The following UNC5C variants were observed in gnomAD, a reference collection of about 807,000 sequenced individuals.
UNC5C encodes the protein unc-5 netrin receptor C.
In UNC5C, 47 loss-of-function variants were observed where a neutral mutation model predicts 99.8. The observed-to-expected ratio is 0.47, with a 90% confidence interval of 0.37 to 0.60. UNC5C has a LOEUF of 0.60. Among genes scored for constraint, UNC5C ranks in the 20% least tolerant of loss-of-function variants. The probability of loss-of-function intolerance (pLI) is 0.00; values close to 1 mark genes in which losing one functional copy is unlikely to be tolerated. For synonymous variants in UNC5C, 487 were observed against 452.2 expected, an observed-to-expected ratio of 1.08 and a Z score of -0.98; for missense variants, 1,062 against 1,165.9, an observed-to-expected ratio of 0.91 and a Z score of 1.30.
chr4:95,527,365 C>T (rs1360813082), intron 1 of UNC5C, among the ~76,000 whole-genome samples: 1 of 152,098 alleles, frequency 6.6e-6, no homozygotes, highest in Non-Finnish European at 1.5e-5. Context: ...AATTAACTCA[C>T]TTTAAATCAC....
chr4:95,451,676 A>C (rs1377822258), intron 1 of UNC5C, among the ~76,000 whole-genome samples: 1 of 152,198 alleles, frequency 6.6e-6, no homozygotes, highest in Non-Finnish European at 1.5e-5. Flanking sequence ...AAAAGTAATA[A>C]AATTCTTCTA....
chr4:95,405,540 G>A (rs1040070428), intron 1 of UNC5C, among the ~76,000 whole-genome samples: 4 of 152,170 alleles, frequency 2.6e-5, no homozygotes, highest in African/African-American at 9.7e-5. Flanking sequence ...GCTAGTTGCT[G>A]CGAACCCAAA....
chr4:95,284,469 A>C (rs1327752586), intron 3 of UNC5C, among the ~76,000 whole-genome samples: 3 of 152,204 alleles, frequency 2.0e-5, no homozygotes, highest in Admixed American at 2.0e-4. Flanking sequence ...AAATTATTTC[A>C]AAAGTCAAGG....
intron 7 of UNC5C, among the ~76,000 whole-genome samples, chr4:95,236,647 C>T (rs1739129632): frequency 6.6e-6 from 1 of 151,056 alleles, no homozygotes; most frequent in African/African-American, 2.4e-5. Context: ...AAAAAAAATA[C>T]TTGTAATCTC....
At chr4:95,329,309 T>A (rs1743022287) in intron 2 of UNC5C, among the ~76,000 whole-genome samples, 1 of 151,976 alleles carries the variant, frequency 6.6e-6, no homozygotes, top group Non-Finnish European at 1.5e-5. Context: ...AAAAAATAAA[T>A]TTAAAAGTAT....
intron 12 of UNC5C, among the ~76,000 whole-genome samples, chr4:95,193,608 A>T (rs2149356344): frequency 6.6e-6 from 1 of 152,132 alleles, no homozygotes; most frequent in Middle Eastern, 3.4e-3. Context: ...TGTGTCGAAA[A>T]CCTGCCCTTG....
At chr4:95,327,812 C>T (rs1036990306) in intron 2 of UNC5C, among the ~76,000 whole-genome samples, 2 of 152,030 alleles carry the variant, frequency 1.3e-5, no homozygotes, top group African/African-American at 4.8e-5. Context: ...AGAGCCACTT[C>T]TGCCACTTAA....
chr4:95,417,934 C>T (rs1746213836), intron 1 of UNC5C, among the ~76,000 whole-genome samples: 1 of 152,146 alleles, frequency 6.6e-6, no homozygotes. Flanking sequence ...TACTCCTGTC[C>T]CTCTGAGCAT....
intron 1 of UNC5C, among the ~76,000 whole-genome samples, chr4:95,493,707 C>T (rs967583191): frequency 6.6e-6 from 1 of 151,360 alleles, no homozygotes; most frequent in Non-Finnish European, 1.5e-5. Context: ...TTAATGGCAT[C>T]CAGTAACTGG....
At chr4:95,533,852 A>AT (rs1378661556) in intron 1 of UNC5C, among the ~76,000 whole-genome samples, 1 of 152,162 alleles carries the variant, frequency 6.6e-6, no homozygotes, top group African/African-American at 2.4e-5. Context: ...ATAGTCTCAT[A>AT]TTTTTTGTTG....
intron 2 of UNC5C, among the ~76,000 whole-genome samples, chr4:95,315,092 A>G (rs1742422435): frequency 6.6e-6 from 1 of 152,202 alleles, no homozygotes; most frequent in South Asian, 2.1e-4. Context: ...GCATTGGATC[A>G]TGGTAAAAAA....
chr4:95,212,717 C>T (rs1210153214), intron 10 of UNC5C, among the ~76,000 whole-genome samples: 1 of 152,196 alleles, frequency 6.6e-6, no homozygotes, highest in African/African-American at 2.4e-5. Flanking sequence ...TGGAATCTGT[C>T]CTCTCCCCTG....
At chr4:95,405,372 G>A (rs546220616) in intron 1 of UNC5C, among the ~76,000 whole-genome samples, 6 of 152,272 alleles carry the variant, frequency 3.9e-5, no homozygotes, top group Admixed American at 3.3e-4. Context: ...TCTGTCACAC[G>A]TCTTGTGGCC....
At chr4:95,309,932 G>A (rs1119769) in intron 2 of UNC5C, among the ~76,000 whole-genome samples, 118,638 of 152,078 alleles carry the variant, frequency 0.78, 46,411 homozygotes, top group East Asian at 0.85. Flanking sequence ...TCCACTAATA[G>A]GTGTATACCC....
chr4:95,466,843 T>C (rs895733816), intron 1 of UNC5C, among the ~76,000 whole-genome samples: 11 of 152,174 alleles, frequency 7.2e-5, no homozygotes, highest in African/African-American at 2.4e-4. Flanking sequence ...ACGACGTCAT[T>C]TAGCCATTCA....
At chr4:95,262,041 C>T (rs747606248) in intron 4 of UNC5C, among the ~76,000 whole-genome samples, 5 of 152,242 alleles carry the variant, frequency 3.3e-5, no homozygotes, top group Non-Finnish European at 7.4e-5. Context: ...AGAACTTGCC[C>T]TCTGCTTTTC....
intron 1 of UNC5C, among the ~76,000 whole-genome samples, chr4:95,379,302 G>A (rs1243833167): frequency 6.6e-6 from 1 of 152,162 alleles, no homozygotes; most frequent in Non-Finnish European, 1.5e-5. Flanking sequence ...AGTCACAGAT[G>A]CATGCTGTGC....
In UNC5C at chr4:95,166,699, C is replaced by A. The variant is rs1174847097; in HGVS notation, c.*2535G>T. On this transcript the variant is annotated 3_prime_UTR_variant, in exon 16 of 16. Coordinates refer to ENST00000453304, the MANE Select transcript of UNC5C (RefSeq NM_003728.4). ...CAGTTCAGATTCTAGTTCTTGATTT[C>A]CATAGATGATTCCACAACCCTGGTA... The A allele has an allele frequency of 6.6e-6, 1 of 152,108 alleles. No individual in the cohort carries two copies. The highest frequency in any genetic ancestry group is 2.4e-5 in the African/African-American group (1 of 41,398). The allele number at this position is 152,108 out of a possible 1,614,324, so 9.4% of individuals were successfully genotyped here.
intron 1 of UNC5C, among the ~76,000 whole-genome samples, chr4:95,365,516 A>C (rs1744532060): frequency 6.6e-6 from 1 of 151,034 alleles, no homozygotes; most frequent in Non-Finnish European, 1.5e-5. Context: ...GTACTACTCC[A>C]TTTTGCTATT....
Sources: allele counts gnomAD v4.1 joint callset (sites outside exome capture counted in the v4.1 genomes callset), GRCh38; gene constraint gnomAD v4.1.1; transcripts MANE v1.5; gene names NCBI Gene and HGNC (gene_info 2026-07-23, HGNC 2026-07-21).